PXDNL: variants seen among roughly 807,000 people sequenced by gnomAD.
PXDNL encodes the protein peroxidasin like.
A neutral mutation model predicts 150.8 loss-of-function variants in PXDNL; 145 were observed. The observed-to-expected ratio is 0.96, with a 90% CI of 0.84 to 1.10. PXDNL has a LOEUF of 1.10. Ranked by LOEUF, PXDNL falls within the 50% of genes least tolerant of loss-of-function variation. The pLI, the probability that PXDNL is intolerant of heterozygous loss-of-function variation, is 0.00. For missense variants in PXDNL, 2,087 were observed against 1,873.9 expected, an observed-to-expected ratio of 1.11 and a Z score of -2.10; for synonymous variants, 757 against 725.7, an observed-to-expected ratio of 1.04 and a Z score of -0.69.
At chr8:51,474,840 T>C (rs1265780312) in intron 7 of PXDNL, 132 bp downstream of exon 7, 3 of 727,782 alleles carry the variant, frequency 4.1e-6, no homozygotes, top group Non-Finnish European at 6.1e-6. Flanking sequence ...TTGGCCATAC[T>C]TTTACCACAT....
chr8:51,786,016 A>G (rs2037457396), intron 1 of PXDNL, among the ~76,000 whole-genome samples: 1 of 152,154 alleles, frequency 6.6e-6, no homozygotes, highest in Non-Finnish European at 1.5e-5. Flanking sequence ...GGAGGGGTGA[A>G]GCAAGATGGC....
chr8:51,449,184 A>C, intron 10 of PXDNL, 66 bp from the exon 11 acceptor site: 1 of 813,070 alleles, frequency 1.2e-6, no homozygotes, highest in Non-Finnish European at 2.0e-6. Flanking sequence ...CCAATAGAAA[A>C]AAGAAAATGT....
At chr8:51,590,362 G>A (rs961095036) in intron 3 of PXDNL, among the ~76,000 whole-genome samples, 1 of 152,046 alleles carries the variant, frequency 6.6e-6, no homozygotes, top group Non-Finnish European at 1.5e-5. Flanking sequence ...GGATCCGTGG[G>A]ATTGGGGCTG....
intron 1 of PXDNL, among the ~76,000 whole-genome samples, chr8:51,676,273 G>C (rs1159033673): frequency 6.6e-6 from 1 of 151,376 alleles, no homozygotes; most frequent in Non-Finnish European, 1.5e-5. Flanking sequence ...GTTCTCCCAG[G>C]ATGTATTCAC....
At position 51,630,235 on chromosome 8, in the gene PXDNL, CAGA is replaced by C. The variant is rs1814462480; in HGVS notation, c.236+24451_236+24453del. On this transcript the variant is annotated intron_variant, in intron 2 of 22. Coordinates refer to ENST00000356297, the MANE Select transcript of PXDNL (RefSeq NM_144651.5). Reference sequence around the variant, plus strand: ...GCTGGGATAACTGGCTAGCCATATGCAGAAGATTAAAACTGGATGCCTTCCTTA... The same window carrying C: ...GCTGGGATAACTGGCTAGCCATATGCAGATTAAAACTGGATGCCTTCCTTA... Among the ~76,000 whole-genome samples the C allele has an allele frequency of 2.0e-5, 3 of 152,224 alleles. No homozygotes were observed. In the South Asian group the frequency reaches 6.2e-4, roughly 32 times the overall value.
At chr8:51,800,519 G>A (rs996078932) in intron 1 of PXDNL, among the ~76,000 whole-genome samples, 1 of 152,166 alleles carries the variant, frequency 6.6e-6, no homozygotes. Context: ...GACTCAGTGT[G>A]GAGAAAATGG....
intron 14 of PXDNL, among the ~76,000 whole-genome samples, chr8:51,418,398 C>T (rs1259532688): frequency 6.6e-6 from 1 of 152,306 alleles, no homozygotes; most frequent in East Asian, 1.9e-4. Context: ...ACCAATTTCA[C>T]TTCATTAATG....
chr8:51,739,387 A>G (rs2036879164), intron 1 of PXDNL, among the ~76,000 whole-genome samples: 1 of 152,216 alleles, frequency 6.6e-6, no homozygotes, highest in Non-Finnish European at 1.5e-5. Context: ...GCTTTTATTC[A>G]TGATAAGTAT....
intron 21 of PXDNL, among the ~76,000 whole-genome samples, chr8:51,332,355 G>T (rs1224594768): frequency 1.3e-5 from 2 of 152,144 alleles, no homozygotes. Context: ...CCTTCCCTCT[G>T]ACAGAGCCCA....
At chr8:51,441,244 C>A (rs553641498) in intron 12 of PXDNL, among the ~76,000 whole-genome samples, 1 of 152,272 alleles carries the variant, frequency 6.6e-6, no homozygotes, top group Non-Finnish European at 1.5e-5. Context: ...GAGGCCTCCC[C>A]AGCCATACAG....
At chr8:51,500,197 C>T (rs546711716) in intron 4 of PXDNL, among the ~76,000 whole-genome samples, 8 of 152,260 alleles carry the variant, frequency 5.3e-5, no homozygotes, top group South Asian at 2.1e-4. Context: ...TCCTGTCTGA[C>T]GGAGTCAAAG....
intron 2 of PXDNL, among the ~76,000 whole-genome samples, chr8:51,642,220 G>A (rs10958291): frequency 7.0e-6 from 1 of 143,600 alleles, no homozygotes; most frequent in East Asian, 2.2e-4. Context: ...GTGGAGGGAG[G>A]GGGGAGGGAT....
intron 5 of PXDNL, among the ~76,000 whole-genome samples, chr8:51,485,660 C>G (rs1387370607): frequency 6.6e-6 from 1 of 152,170 alleles, no homozygotes. Context: ...TGGCTCCACC[C>G]TGCTCCTGGG....
chr8:51,471,351 A>G (rs1810328646), intron 8 of PXDNL, among the ~76,000 whole-genome samples: 1 of 152,184 alleles, frequency 6.6e-6, no homozygotes, highest in South Asian at 2.1e-4. Context: ...TTACTATTTA[A>G]TTTTATGCTC....
At chr8:51,415,473 CA>C (rs1451682814) in intron 14 of PXDNL, among the ~76,000 whole-genome samples, 1 of 152,122 alleles carries the variant, frequency 6.6e-6, no homozygotes, top group Non-Finnish European at 1.5e-5. Flanking sequence ...CAATTTTAAA[CA>C]ACCAGATCTC....
intron 1 of PXDNL, among the ~76,000 whole-genome samples, chr8:51,776,128 T>C (rs529687801): frequency 1.3e-4 from 20 of 152,310 alleles, no homozygotes; most frequent in African/African-American, 4.6e-4. Flanking sequence ...AGACTGGTTG[T>C]CTGCTCTCAA....
At chr8:51,677,720 A>G (rs1024052723) in intron 1 of PXDNL, among the ~76,000 whole-genome samples, 4 of 152,244 alleles carry the variant, frequency 2.6e-5, no homozygotes, top group African/African-American at 9.6e-5. Flanking sequence ...TTTCTTCTAA[A>G]TAGACATATA....
intron 2 of PXDNL, among the ~76,000 whole-genome samples, chr8:51,619,075 A>C (rs766035574): frequency 6.6e-6 from 1 of 152,208 alleles, no homozygotes; most frequent in African/African-American, 2.4e-5. Context: ...CCTCAGAAGC[A>C]AAGTCTCTCT....
intron 21 of PXDNL, among the ~76,000 whole-genome samples, chr8:51,325,267 G>A (rs1437938965): frequency 6.6e-6 from 1 of 152,182 alleles, no homozygotes; most frequent in Non-Finnish European, 1.5e-5. Flanking sequence ...TTCTTGGTAT[G>A]ATGAATAATT....
Sources: allele counts gnomAD v4.1 joint callset (sites outside exome capture counted in the v4.1 genomes callset), GRCh38; gene constraint gnomAD v4.1.1; transcripts MANE v1.5; gene names NCBI Gene and HGNC (gene_info 2026-07-23, HGNC 2026-07-21).